The following PDE1A variants were observed in gnomAD, a reference collection of about 807,000 sequenced individuals.
The protein encoded by PDE1A is dual specificity calcium/calmodulin-dependent 3',5'-cyclic nucleotide phosphodiesterase 1A.
Under a neutral mutation model 61.7 loss-of-function variants are expected in PDE1A, and 35 were observed. The ratio of observed to expected loss-of-function variants is 0.57; its 90% CI spans 0.43 to 0.75. PDE1A has a LOEUF of 0.75. Ranked by LOEUF, PDE1A falls within the 30% of genes least tolerant of loss-of-function variation. The probability of loss-of-function intolerance (pLI) is 0.00; values close to 1 mark genes in which losing one functional copy is unlikely to be tolerated. For missense variants in PDE1A, 597 were observed against 630.6 expected (o/e 0.95, Z 0.57); for synonymous variants, 232 against 213.2 (o/e 1.09, Z -0.77).
chr2:182,567,836 G>A, the PDE1A span, among the ~76,000 whole-genome samples: 1 of 145,448 alleles, frequency 6.9e-6, no homozygotes, highest in Non-Finnish European at 1.5e-5. Context: ...ACTGTTGCCA[G>A]GACTGGTGTG....
At chr2:182,594,579 T>C in the PDE1A span, among the ~76,000 whole-genome samples, 1 of 152,360 alleles carries the variant, frequency 6.6e-6, no homozygotes, top group East Asian at 1.9e-4. Context: ...ACATAACTTT[T>C]CTTTGTCATA....
At chr2:182,292,191 G>T (rs978989754) in intron 1 of PDE1A, among the ~76,000 whole-genome samples, 1 of 143,510 alleles carries the variant, frequency 7.0e-6, no homozygotes, top group Admixed American at 7.1e-5. Flanking sequence ...GCTTCTGAAA[G>T]ACCAGAGGCT....
intron 10 of PDE1A, among the ~76,000 whole-genome samples, chr2:182,201,049 T>G (rs1318208030): frequency 6.6e-6 from 1 of 152,202 alleles, no homozygotes; most frequent in Non-Finnish European, 1.5e-5. Context: ...GCAATATTTC[T>G]TGGCCTCCAT....
At chr2:182,438,803 A>G (rs2125668145) in intron 2 of PDE1A, among the ~76,000 whole-genome samples, 1 of 152,170 alleles carries the variant, frequency 6.6e-6, no homozygotes, top group East Asian at 1.9e-4. Flanking sequence ...CCAATAGGCA[A>G]TGGGGAGCCA....
chr2:182,607,817 C>A, the PDE1A span, among the ~76,000 whole-genome samples: 1 of 152,126 alleles, frequency 6.6e-6, no homozygotes, highest in Non-Finnish European at 1.5e-5. Context: ...GGGAACGGCA[C>A]CTGTGGAAGG....
chr2:182,634,024 G>A, the PDE1A span, among the ~76,000 whole-genome samples: 1 of 151,934 alleles, frequency 6.6e-6, no homozygotes, highest in Admixed American at 6.6e-5. Flanking sequence ...AAGAGGGAGA[G>A]GTTGCAGCGA....
At chr2:182,623,728 T>C in the PDE1A span, among the ~76,000 whole-genome samples, 1 of 152,234 alleles carries the variant, frequency 6.6e-6, no homozygotes, top group Non-Finnish European at 1.5e-5. Flanking sequence ...TTTCTGCCCA[T>C]AGGCTACAGC....
the PDE1A span, among the ~76,000 whole-genome samples, chr2:182,556,395 T>A: frequency 6.6e-6 from 1 of 152,192 alleles, no homozygotes; most frequent in Non-Finnish European, 1.5e-5. Flanking sequence ...AGCAGTTAAA[T>A]TGGTTTACAA....
chr2:182,447,322 G>A (rs887827570), intron 2 of PDE1A, among the ~76,000 whole-genome samples: 6 of 151,898 alleles, frequency 4.0e-5, no homozygotes, highest in South Asian at 2.1e-4. Context: ...ACATAAGACC[G>A]TATCAGAATC....
At chr2:182,283,126 T>C (rs1276942450) in intron 1 of PDE1A, among the ~76,000 whole-genome samples, 1 of 152,064 alleles carries the variant, frequency 6.6e-6, no homozygotes, top group Non-Finnish European at 1.5e-5. Context: ...AAGTATAAAC[T>C]GTCAACTCAA....
chr2:182,423,977 C>T (rs1703443827), intron 1 of PDE1A, among the ~76,000 whole-genome samples: 1 of 143,980 alleles, frequency 6.9e-6, no homozygotes, highest in African/African-American at 2.6e-5. Flanking sequence ...TGGGGTCTCA[C>T]TCTATAGCCC....
intron 2 of PDE1A, among the ~76,000 whole-genome samples, chr2:182,514,429 A>T (rs573424539): frequency 6.6e-6 from 1 of 152,216 alleles, no homozygotes; most frequent in Non-Finnish European, 1.5e-5. Context: ...GCTTCAAACT[A>T]TAGTACAAAG....
chr2:182,278,308 C>T (rs1042756440), intron 1 of PDE1A, among the ~76,000 whole-genome samples: 3 of 151,858 alleles, frequency 2.0e-5, no homozygotes, highest in Admixed American at 6.6e-5. Flanking sequence ...AACACACACA[C>T]AAAAGTGGAT....
At chr2:182,646,381 G>A in the PDE1A span, among the ~76,000 whole-genome samples, 1 of 135,634 alleles carries the variant, frequency 7.4e-6, no homozygotes, top group Non-Finnish European at 1.6e-5. Context: ...GAACCCAGGA[G>A]GTGAAGGTTC....
chr2:182,380,828 A>G (rs1242648253), intron 1 of PDE1A, among the ~76,000 whole-genome samples: 1 of 152,218 alleles, frequency 6.6e-6, no homozygotes, highest in Non-Finnish European at 1.5e-5. Context: ...TAGTTATTTA[A>G]TAAAGCAATA....
At chr2:182,359,966 G>A (rs1292250109) in intron 1 of PDE1A, among the ~76,000 whole-genome samples, 2 of 152,024 alleles carry the variant, frequency 1.3e-5, no homozygotes, top group Non-Finnish European at 2.9e-5. Context: ...ATTCTATAGA[G>A]CCCTCAAAAT....
chr2:182,531,686 C>A, the PDE1A span, among the ~76,000 whole-genome samples: 1 of 152,130 alleles, frequency 6.6e-6, no homozygotes, highest in Non-Finnish European at 1.5e-5. Flanking sequence ...ACATTATAGT[C>A]ATATAATCTA....
chr2:182,154,938 T>G (rs1431002925), intron 13 of PDE1A, among the ~76,000 whole-genome samples: 1 of 152,098 alleles, frequency 6.6e-6, no homozygotes, highest in African/African-American at 2.4e-5. Flanking sequence ...GTTGCTTAAC[T>G]TTAAGAATGT....
intron 1 of PDE1A, among the ~76,000 whole-genome samples, chr2:182,265,970 C>T (rs1692606330): frequency 6.6e-6 from 1 of 151,826 alleles, no homozygotes; most frequent in African/African-American, 2.4e-5. Flanking sequence ...TTTTCAATGC[C>T]AAGGGTGAAG....
Sources: allele counts gnomAD v4.1 joint callset (sites outside exome capture counted in the v4.1 genomes callset), GRCh38; gene constraint gnomAD v4.1.1; transcripts MANE v1.5; gene names NCBI Gene and HGNC (gene_info 2026-07-23, HGNC 2026-07-21).